PIK3R4: variants seen among roughly 807,000 people sequenced by gnomAD.
PIK3R4 encodes the protein phosphoinositide 3-kinase regulatory subunit 4.
In PIK3R4, 46 loss-of-function variants were observed where a neutral mutation model predicts 136.5. The ratio of observed to expected loss-of-function variants is 0.34; its 90% CI spans 0.27 to 0.43. The LOEUF (loss-of-function observed/expected upper bound fraction) is 0.43. PIK3R4 is among the 20% of genes least tolerant of loss of function. PIK3R4 has a pLI of 1.00. For synonymous variants in PIK3R4, 557 were observed against 566.7 expected (o/e 0.98, Z 0.24); for missense variants, 1,331 against 1,649.5 (o/e 0.81, Z 3.35).
chr3:130,703,894 GA>G lies in PIK3R4; in HGVS notation c.2933-7del, dbSNP rs1366897465. Reference sequence around the variant, plus strand: ...CAGCCCTTTAGGACGCCATCCTAAGGAAAAGCAAAGGAGTGTATCATAAACT... The same window carrying G: ...CAGCCCTTTAGGACGCCATCCTAAGGAAAGCAAAGGAGTGTATCATAAACT... On this transcript the variant is annotated splice_polypyrimidine_tract_variant and splice_region_variant and intron_variant, in intron 12 of 19. Coordinates refer to ENST00000356763, the MANE Select transcript of PIK3R4 (RefSeq NM_014602.3). 2.5e-6 allele frequency: 4 copies of G among 1,600,852 alleles called. No individual in the cohort carries two copies. The highest frequency in any genetic ancestry group is 1.7e-5 in the Admixed American group (1 of 59,328).
At chr3:130,736,429 C>A (rs2066785974) in intron 2 of PIK3R4, among the ~76,000 whole-genome samples, 1 of 152,016 alleles carries the variant, frequency 6.6e-6, no homozygotes, top group Admixed American at 6.5e-5. Context: ...ATTAGCTGGG[C>A]ATGGTGGCAC....
chr3:130,713,739 C>A (rs759133220), intron 9 of PIK3R4, among the ~76,000 whole-genome samples: 5 of 152,126 alleles, frequency 3.3e-5, no homozygotes, highest in African/African-American at 4.8e-5. Flanking sequence ...ATGGCGCGAT[C>A]TCAGCTCAAT....
intron 9 of PIK3R4, among the ~76,000 whole-genome samples, chr3:130,711,946 T>C (rs2066634967): frequency 6.6e-6 from 1 of 152,194 alleles, no homozygotes; most frequent in South Asian, 2.1e-4. Flanking sequence ...TAAAAAATCA[T>C]TAAAAATGTA....
At chr3:130,704,078 T>C (rs2107607288) in intron 12 of PIK3R4, among the ~76,000 whole-genome samples, 190 bp from the exon 13 acceptor site, 1 of 152,294 alleles carries the variant, frequency 6.6e-6, no homozygotes, top group South Asian at 2.1e-4. Context: ...GAGACATCAA[T>C]TTGGCAATTA....
chr3:130,730,411 C>A lies in PIK3R4; in HGVS notation c.1482G>T (p.Leu494=). 1 of 1,595,928 alleles carries A rather than the reference C, an allele frequency of 6.3e-7. No individual in the cohort carries two copies. The highest frequency in any genetic ancestry group is 1.1e-5 in the South Asian group (1 of 87,090). Residue 494 remains leucine (L), a synonymous_variant, in exon 5 of 20, where the codon CTG becomes CTT. Transcript: ENST00000356763. The part of the protein sequence containing the change: ...ENIALLAETA[L]RFLELVQLKN... ...TTAACTGTACTAATTCCAGGAATCT[C>A]AGAGCTGTTTCTGCCAGCAGAGCTA...
chr3:130,708,805 T>A (rs183654247), intron 9 of PIK3R4, among the ~76,000 whole-genome samples: 34 of 152,290 alleles, frequency 2.2e-4, no homozygotes, highest in African/African-American at 7.7e-4. Flanking sequence ...ATGTGTGATA[T>A]CTAGTAGTAT....
In PIK3R4 at chr3:130,744,745, A is replaced by G. The variant is rs764877470; in HGVS notation, c.474T>C (p.Ser158=). The G allele has an allele frequency of 6.2e-7, 1 of 1,614,266 alleles. No individual in the cohort carries two copies. The highest frequency in any genetic ancestry group is 1.3e-5 in the African/African-American group (1 of 75,070). Residue 158 remains serine (S), a synonymous_variant, in exon 2 of 20, where the codon AGT becomes AGC. Coordinates refer to ENST00000356763, the MANE Select transcript of PIK3R4 (RefSeq NM_014602.3). The part of the protein sequence containing the change: ...DIKTENVMVT[S]WNWVLLTDFA... ...AATCAGTTAGAAGAACCCAATTCCA[A>G]CTGGTGACCATCACATTCTCAGTCT...
chr3:130,681,513 G>A lies in PIK3R4; in HGVS notation c.3686C>T (p.Ala1229Val), dbSNP rs932628465. The change falls in exon 17 of 20, where the codon GCA (alanine) becomes GTA (valine). Residue 1229 changes from alanine to valine, a missense_variant. Physicochemically the swap from Ala to Val is moderately conservative, Grantham distance 64. Around this residue, in one of 2 missense-constraint regions of PIK3R4, gnomAD observed 1,180 missense variants for 1,407.0 expected, o/e 0.84. Transcript: ENST00000356763. The stretch of plus-strand genomic sequence containing the variant: ...AACCTGTAATTCAGAAAGTGGTGGT[G>A]CACTGCTGGCCCAGAGAGTAAATCT... Reference protein sequence around the residue: ...DRRFTLWASSAPPLSELQPSP... With the variant: ...DRRFTLWASSVPPLSELQPSP... 26 of 1,606,592 alleles carry A rather than the reference G, an allele frequency of 1.6e-5. No homozygotes were observed. Among genetic ancestry groups the A allele is most frequent in the East Asian group, 8.9e-5 (4 of 44,824 alleles).
intron 4 of PIK3R4, among the ~76,000 whole-genome samples, chr3:130,733,296 C>T (rs1206848518): frequency 6.6e-6 from 1 of 152,206 alleles, no homozygotes; most frequent in East Asian, 1.9e-4. Context: ...TATTCCAAGT[C>T]GAATGTAGTA....
chr3:130,707,566 G>C (rs1345595147), intron 10 of PIK3R4, among the ~76,000 whole-genome samples: 1 of 151,582 alleles, frequency 6.6e-6, no homozygotes, highest in African/African-American at 2.4e-5. Flanking sequence ...TAATTTGTAT[G>C]TTTTATATAT....
chr3:130,725,855 T>C lies in PIK3R4; in HGVS notation c.1808-2268A>G, dbSNP rs1452258370. The stretch of plus-strand genomic sequence containing the variant: ...AACATGAAAAAGTTTTTCAACTTGA[T>C]AGTTAAGCTAAGAAATATATATCAA... On this transcript the variant is annotated intron_variant, in intron 6 of 19. Transcript: ENST00000356763. 3 of 152,086 alleles carry C rather than the reference T, an allele frequency of 2.0e-5. 1 individual carries two copies. The highest frequency in any genetic ancestry group is 4.1e-4 in the South Asian group (2 of 4,830). The allele number at this position is 152,086 out of a possible 1,614,324, so 9.4% of individuals were successfully genotyped here.
rs1347098885 is a variant in PIK3R4, at chr3:130,706,934, G to C, written c.2721+14C>G. ...AAAGACATTAGGAGGACTACTGACT[G>C]GGTGACACAGTACCTGTGAAGAAGT... is the stretch of plus-strand genomic sequence containing the variant. On this transcript the variant is annotated intron_variant, in intron 11 of 19. Transcript: ENST00000356763. 2 of 1,594,628 alleles carry C rather than the reference G, an allele frequency of 1.3e-6. No homozygotes were observed. The highest frequency in any genetic ancestry group is 1.7e-6 in the Non-Finnish European group (2 of 1,170,592).
In PIK3R4 at chr3:130,703,806, G is replaced by A. The variant is rs747345985; in HGVS notation, c.3015C>T (p.His1005=). The A allele has an allele frequency of 6.2e-7, 1 of 1,612,350 alleles. No individual in the cohort carries two copies. ...CATTTGAACATGTTGCAAAAAGTGA[G>A]TGTTCATCAGAGACTCTAATTCGAT... is the stretch of plus-strand genomic sequence containing the variant. ...AVNRIRVSDE[H]SLFATCSNDG... Residue 1005 remains histidine, a synonymous_variant, in exon 13 of 20, where the codon CAC becomes CAT. Coordinates refer to ENST00000356763, the MANE Select transcript of PIK3R4 (RefSeq NM_014602.3).
At chr3:130,715,746 C>T (rs1258684186) in intron 9 of PIK3R4, among the ~76,000 whole-genome samples, 1 of 152,082 alleles carries the variant, frequency 6.6e-6, no homozygotes, top group East Asian at 1.9e-4. Flanking sequence ...GCTGTGCAGA[C>T]CTCTTTAATT....
Position 130,703,829 on chromosome 3 carries a change from G to A in PIK3R4, c.2992C>T (p.Arg998Ter). 2 of 1,612,032 alleles carry A rather than the reference G, an allele frequency of 1.2e-6. No homozygotes were observed. Among genetic ancestry groups the A allele is most frequent in the South Asian group, 2.2e-5 (2 of 90,972 alleles). The change falls in exon 13 of 20, where the codon CGA becomes TGA. Residue 998 changes from arginine (R) to a stop codon, truncating the protein, a stop_gained. Transcript: ENST00000356763. LOFTEE classifies it high-confidence loss of function. The part of the protein sequence containing the change: ...HLHEHKSAVN[R>*]IRVSDEHSLF... ...GAGTGTTCATCAGAGACTCTAATTCGATTCACAGCAGATTTATGCTCATGA... is the reference window on the plus strand; with the variant it reads ...GAGTGTTCATCAGAGACTCTAATTCAATTCACAGCAGATTTATGCTCATGA...
Position 130,707,001 on chromosome 3 carries a change from G to A in PIK3R4, c.2668C>T (p.Pro890Ser), listed in dbSNP as rs267599605. Residue 890 changes from proline (P) to serine (S), a missense_variant, in exon 11 of 20, where the codon CCT becomes TCT. Physicochemically the swap from Pro to Ser is moderately conservative, Grantham distance 74. Transcript: ENST00000356763. The part of the protein sequence containing the change: ...DQEVIQTGKP[P>S]RSESSAGICV... ...ATGCCAGCAGAGGACTCGGAACGAG[G>A]AGGTTTCCCAGTCTGAATCACCTCC... 2 of 1,612,994 alleles carry A rather than the reference G, an allele frequency of 1.2e-6. No homozygotes were observed. The highest frequency in any genetic ancestry group is 1.1e-5 in the South Asian group (1 of 90,800).
At chr3:130,736,966 G>C (rs916257013) in intron 2 of PIK3R4, among the ~76,000 whole-genome samples, 1 of 152,204 alleles carries the variant, frequency 6.6e-6, no homozygotes, top group Non-Finnish European at 1.5e-5. Flanking sequence ...CAGAAATTTT[G>C]TAAGTATCCA....
intron 13 of PIK3R4, among the ~76,000 whole-genome samples, chr3:130,691,890 T>C (rs1186884915): frequency 1.4e-5 from 2 of 145,544 alleles, no homozygotes; most frequent in Admixed American, 6.8e-5. Flanking sequence ...TTTTTTTTTT[T>C]CTGAGACAGA....
chr3:130,698,122 T>C (rs991823620), intron 13 of PIK3R4, among the ~76,000 whole-genome samples: 2 of 152,222 alleles, frequency 1.3e-5, no homozygotes, highest in Non-Finnish European at 1.5e-5. Flanking sequence ...CTTTTCTCTC[T>C]CTGCTTTCAA....
Sources: allele counts gnomAD v4.1 joint callset (sites outside exome capture counted in the v4.1 genomes callset), GRCh38; gene constraint gnomAD v4.1.1; regional missense constraint gnomAD v4.1.1; transcripts MANE v1.5; gene names NCBI Gene and HGNC (gene_info 2026-07-23, HGNC 2026-07-21).